MYO1C: variants seen among roughly 807,000 people sequenced by gnomAD.
The protein encoded by MYO1C is myosin IC, also known as unconventional myosin-Ic.
Under a neutral mutation model 150.8 loss-of-function variants are expected in MYO1C, and 104 were observed. The observed-to-expected ratio is 0.69, with a 90% CI of 0.59 to 0.81. The LOEUF (loss-of-function observed/expected upper bound fraction) is 0.81. Among genes scored for constraint, MYO1C ranks in the 30% least tolerant of loss-of-function variants. The probability of loss-of-function intolerance (pLI) is 0.00; values close to 1 mark genes in which losing one functional copy is unlikely to be tolerated. For missense variants in MYO1C, 1,504 were observed against 1,435.0 expected, an observed-to-expected ratio of 1.05 and a Z score of -0.78; for synonymous variants, 663 against 579.9, an observed-to-expected ratio of 1.14 and a Z score of -2.06.
chr17:1,484,071 C>G, intron 2 of MYO1C, 77 bp downstream of exon 2: 1 of 1,577,748 alleles, frequency 6.3e-7, no homozygotes, highest in South Asian at 1.1e-5. Flanking sequence ...TCCCGGTGAC[C>G]CTTGGTGTCT....
chr17:1,481,848 T>C (rs1270614487), intron 5 of MYO1C, among the ~76,000 whole-genome samples: 1 of 149,704 alleles, frequency 6.7e-6, no homozygotes, highest in Non-Finnish European at 1.5e-5. Flanking sequence ...AAAAAAGTTC[T>C]TGCAACAACC....
chr17:1,492,373 C>A (rs1192003074), intron 1 of MYO1C, 40 bp downstream of exon 1: 5 of 1,561,810 alleles, frequency 3.2e-6, no homozygotes, highest in Non-Finnish European at 4.3e-6. Context: ...CTTGGGGAGA[C>A]GCTCCCACCC....
chr17:1,472,822 G>C (rs1054448486), intron 17 of MYO1C, among the ~76,000 whole-genome samples: 45 of 149,520 alleles, frequency 3.0e-4, no homozygotes, highest in African/African-American at 1.1e-3. Context: ...CGGGTGAAGT[G>C]GCTACAGGGA....
rs2074130783 is a variant in MYO1C, at chr17:1,464,400, C to A, written c.*1326G>T. ...TCCCATGCCAGGGAGGGGTCAGGGG[C>A]CAGAAAAGGCCCTACATCCTTGAGT... is the stretch of plus-strand genomic sequence containing the variant. On this transcript the variant is annotated 3_prime_UTR_variant, in exon 32 of 32. Coordinates refer to ENST00000648651, the MANE Select transcript of MYO1C (RefSeq NM_001080779.2). 1.3e-5 allele frequency: 2 copies of A among 152,654 alleles called. No individual in the cohort carries two copies. The highest frequency in any genetic ancestry group is 4.8e-5 in the African/African-American group (2 of 41,450). The allele number at this position is 152,654 out of a possible 1,614,324, so 9.5% of individuals were successfully genotyped here.
chr17:1,485,708 G>A (rs1353230443), intron 1 of MYO1C: 1 of 1,188,990 alleles, frequency 8.4e-7, no homozygotes, highest in Non-Finnish European at 1.0e-6. Context: ...GCCCGGTAGC[G>A]CATCCTGCCC....
intron 14 of MYO1C, among the ~76,000 whole-genome samples, chr17:1,476,329 C>T (rs538057223): frequency 1.4e-3 from 209 of 152,206 alleles, no homozygotes; most frequent in African/African-American, 4.9e-3. Context: ...CCCACTACCA[C>T]GCCTGACTAA....
Position 1,472,300 on chromosome 17 carries a change from C to G in MYO1C, c.1798-72G>C, listed in dbSNP as rs533940564. ...CTGCTGACCCCAGCAGCGAGTACCC[C>G]ACTCCCCTGGCTGGTGACGCGCGCA... On this transcript the variant is annotated intron_variant, in intron 17 of 31. Transcript: ENST00000648651. 40 of 1,355,844 alleles carry G rather than the reference C, an allele frequency of 3.0e-5. No individual in the cohort carries two copies. The African/African-American group carries it at 5.4e-4, about 18-fold the overall frequency. The allele number at this position is 1,355,844 out of a possible 1,614,324, so 84.0% of individuals were successfully genotyped here.
In MYO1C at chr17:1,470,496, G is replaced by A. The variant is rs960869975; in HGVS notation, c.2305C>T (p.Arg769Cys). Residue 769 changes from arginine (R) to cysteine (C), a missense_variant, in exon 23 of 32, where the codon CGT becomes TGT. Transcript: ENST00000648651. ...RSAICIQSWWRGTLGRRKAAK... is the reference protein window; with the variant it reads ...RSAICIQSWWCGTLGRRKAAK... ...GCCTTCCTCCGGCCCAGTGTTCCACGCCACCACGACTGGATGCAGATGGCT... is the reference window on the plus strand; with the variant it reads ...GCCTTCCTCCGGCCCAGTGTTCCACACCACCACGACTGGATGCAGATGGCT... 16 of 1,551,608 alleles carry A rather than the reference G, an allele frequency of 1.0e-5. No individual in the cohort carries two copies. The highest frequency in any genetic ancestry group is 1.1e-5 in the Non-Finnish European group (13 of 1,147,478).
chr17:1,491,012 C>T (rs1040998685), intron 1 of MYO1C: 6 of 152,608 alleles, frequency 3.9e-5, no homozygotes, highest in Admixed American at 3.3e-4. Context: ...TATCGCACCC[C>T]GCAGGAATCA....
At chr17:1,485,387 C>CA in intron 1 of MYO1C, 1 of 204,506 alleles carries the variant, frequency 4.9e-6, no homozygotes, top group Non-Finnish European at 7.4e-6. Context: ...CCAGGCTTGT[C>CA]CTCACCGCCC....
At chr17:1,469,194 G>A (rs930944390) in intron 25 of MYO1C, 8 of 388,364 alleles carry the variant, frequency 2.1e-5, no homozygotes, top group Non-Finnish European at 3.5e-5. Flanking sequence ...ACGGTAGGCG[G>A]GGTAAATATG....
intron 25 of MYO1C, chr17:1,468,737 C>T (rs962942904): frequency 3.5e-6 from 2 of 573,416 alleles, no homozygotes; most frequent in African/African-American, 1.9e-5. Flanking sequence ...TTGAAACTGG[C>T]CTTGGTAATG....
rs769006631 is a variant in MYO1C, at chr17:1,482,478, C to T, written c.627G>A (p.Lys209=). The part of the protein sequence containing the change: ...GKYMDVQFDF[K]GAPVGGHILS... Reference sequence around the variant, plus strand: ...CTCACGACACACACATCCATGGTACCTTGAAGTCAAACTGCACATCCATGT... The same window carrying T: ...CTCACGACACACACATCCATGGTACTTTGAAGTCAAACTGCACATCCATGT... The change falls in exon 5 of 32, where the codon AAG becomes AAA. Residue 209 remains lysine (K), a splice_region_variant and synonymous_variant. Coordinates refer to ENST00000648651, the MANE Select transcript of MYO1C (RefSeq NM_001080779.2). 1 of 1,613,744 alleles carries T rather than the reference C, an allele frequency of 6.2e-7. No individual in the cohort carries two copies. Among genetic ancestry groups the T allele is most frequent in the Non-Finnish European group, 8.5e-7 (1 of 1,179,682 alleles).
At position 1,492,447 on chromosome 17, in the gene MYO1C, A is replaced by C. The variant is rs2074746555; in HGVS notation, c.41T>G (p.Ile14Ser). ...GGGCCTGTGGGGATGAACCACGCGG[A>C]TGATCTCCCCGGTGGGTACCAGCTC... is the stretch of plus-strand genomic sequence containing the variant. ...QVELVPTGEI[I>S]RVVHPHRPCK... Residue 14 changes from isoleucine (I) to serine (S), a missense_variant, in exon 1 of 32, where the codon ATC becomes AGC. Coordinates refer to ENST00000648651, the MANE Select transcript of MYO1C (RefSeq NM_001080779.2). 1 of 1,607,930 alleles carries C rather than the reference A, an allele frequency of 6.2e-7. No individual in the cohort carries two copies. Among genetic ancestry groups the C allele is most frequent in the Admixed American group, 1.7e-5 (1 of 59,564 alleles).
At chr17:1,469,011 C>G (rs2074239477) in intron 25 of MYO1C, 1 of 288,476 alleles carries the variant, frequency 3.5e-6, no homozygotes, top group Non-Finnish European at 6.8e-6. Flanking sequence ...GATATGAACC[C>G]TACTGGCCAC....
intron 1 of MYO1C, among the ~76,000 whole-genome samples, chr17:1,489,611 T>C (rs983127069): frequency 3.9e-5 from 6 of 152,078 alleles, no homozygotes; most frequent in Admixed American, 1.3e-4. Context: ...GCCCAAGAGG[T>C]TGAGGCTGCA....
At position 1,471,068 on chromosome 17, in the gene MYO1C, C is replaced by T; in HGVS notation, c.2212+3G>A. On this transcript the variant is annotated splice_donor_region_variant and intron_variant, in intron 21 of 31. Coordinates refer to ENST00000648651, the MANE Select transcript of MYO1C (RefSeq NM_001080779.2). ...CAGCAGGAAGGGTAGGCCTCTCTCT[C>T]ACCCAGGCTCTGCCGCCGGACCTCC... 6.2e-7 allele frequency: 1 copy of T among 1,613,930 alleles called. No homozygotes were observed. The highest frequency in any genetic ancestry group is 8.5e-7 in the Non-Finnish European group (1 of 1,179,838).
rs922718118 is a variant in MYO1C, at chr17:1,479,287, T to A, written c.1092+144A>T. 1.9e-5 allele frequency: 13 copies of A among 681,254 alleles called. No homozygotes were observed. The highest frequency in any genetic ancestry group is 3.4e-5 in the Non-Finnish European group (13 of 383,632). 42.2% of individuals were successfully genotyped at this position (681,254 alleles called of 1,614,324 possible). A position where few individuals can be genotyped will look rare whatever the true frequency, so the allele number is the denominator to read the frequency against. On this transcript the variant is annotated intron_variant, in intron 9 of 31. Transcript: ENST00000648651. This position sits in a 1 kb window ranked among gnomAD's most constrained non-coding sequence, Gnocchi z 4.2. ...GGGTTACAGGCGTGAGCCACGGCGC[T>A]CGGCTCTCACTCTGCTTCTCTGAGC... is the stretch of plus-strand genomic sequence containing the variant.
At position 1,470,353 on chromosome 17, in the gene MYO1C, CAG is replaced by C; in HGVS notation, c.2367-21_2367-20del. 9 of 1,527,966 alleles carry C rather than the reference CAG, an allele frequency of 5.9e-6. No individual in the cohort carries two copies. The highest frequency in any genetic ancestry group is 7.1e-6 in the Non-Finnish European group (8 of 1,130,400). 94.7% of individuals were successfully genotyped at this position (1,527,966 alleles called of 1,614,324 possible). ...GATGAGCCTGGGGTGGGGGGCCAGA[CAG>C]GGTTGGGGGTGAGGGGCCTGGCGGT... On this transcript the variant is annotated intron_variant, in intron 23 of 31. Coordinates refer to ENST00000648651, the MANE Select transcript of MYO1C (RefSeq NM_001080779.2).
Sources: gnomAD v4.1 joint callset for allele counts (sites outside exome capture counted in the v4.1 genomes callset) on GRCh38, gnomAD v4.1.1 for gene constraint, Gnocchi (gnomAD v3.1) non-coding constraint, MANE v1.5 for transcripts, NCBI Gene and HGNC (gene_info 2026-07-23, HGNC 2026-07-21) for gene names.